The following KIF5B variants were observed in gnomAD, a reference collection of about 807,000 sequenced individuals.
KIF5B encodes the protein kinesin-1 heavy chain.
A neutral mutation model predicts 132.8 loss-of-function variants in KIF5B; 49 were observed. That is an observed-to-expected ratio of 0.37 (90% CI 0.29 to 0.47). KIF5B has a LOEUF of 0.47. KIF5B is among the 20% of genes least tolerant of loss of function. KIF5B has a pLI of 1.00. For missense variants in KIF5B, 780 were observed against 1,144.0 expected (o/e 0.68, Z 4.59); for synonymous variants, 355 against 369.4 (o/e 0.96, Z 0.45).
In KIF5B at chr10:32,034,113, T is replaced by A. The variant is rs897213384; in HGVS notation, c.1112-75A>T. 30 of 473,522 alleles carry A rather than the reference T, an allele frequency of 6.3e-5. No homozygotes were observed. The East Asian group carries it at 1.6e-3, about 26-fold the overall frequency. 29.3% of individuals were successfully genotyped at this position (473,522 alleles called of 1,614,324 possible). On this transcript the variant is annotated intron_variant, in intron 11 of 25. Transcript: ENST00000302418. Reference sequence around the variant, plus strand: ...ATTTCAATTTCATTCCTTTAAAAATTTTTTTTTTTTTTTTTGAGACAGAGT... The same window carrying A: ...ATTTCAATTTCATTCCTTTAAAAATATTTTTTTTTTTTTTTGAGACAGAGT...
At chr10:32,045,192 A>T (rs1467690015) in intron 2 of KIF5B, among the ~76,000 whole-genome samples, 1 of 152,198 alleles carries the variant, frequency 6.6e-6, no homozygotes, top group Non-Finnish European at 1.5e-5. Flanking sequence ...ATACAAGAGA[A>T]GAGACAGAAC....
chr10:32,033,230 CATT>C (rs1841423452), intron 12 of KIF5B, among the ~76,000 whole-genome samples: 1 of 152,130 alleles, frequency 6.6e-6, no homozygotes, highest in African/African-American at 2.4e-5. Flanking sequence ...CAATTGGTAT[CATT>C]GAGGCTCCCA....
intron 10 of KIF5B, among the ~76,000 whole-genome samples, chr10:32,035,148 T>C (rs946326274): frequency 6.6e-6 from 1 of 152,234 alleles, no homozygotes. Context: ...AAAGACGGAA[T>C]CATCATTACT....
At chr10:32,016,342 G>C (rs955501189) in intron 24 of KIF5B, among the ~76,000 whole-genome samples, 2 of 151,946 alleles carry the variant, frequency 1.3e-5, no homozygotes, top group Non-Finnish European at 2.9e-5. Flanking sequence ...TTCAATCCCA[G>C]CTACTAGGGA....
In KIF5B at chr10:32,009,492, T is replaced by C. The variant is rs1235923146; in HGVS notation, c.*2045A>G. The stretch of plus-strand genomic sequence containing the variant: ...AATTTATGAAATTCTTGGTACACTT[T>C]ATGAAAGTCTGAAATTATAAATAGA... On this transcript the variant is annotated 3_prime_UTR_variant, in exon 26 of 26. Transcript: ENST00000302418. 6.6e-6 allele frequency: 1 copy of C among 152,224 alleles called. No homozygotes were observed. The highest frequency in any genetic ancestry group is 1.5e-5 in the Non-Finnish European group (1 of 68,030). The allele number at this position is 152,224 out of a possible 1,614,324, so 9.4% of individuals were successfully genotyped here.
In KIF5B at chr10:32,039,372, A is replaced by G; in HGVS notation, c.348T>C (p.Phe116=). The change falls in exon 4 of 26, where the codon TTT becomes TTC. Residue 116 remains phenylalanine, a synonymous_variant. Transcript: ENST00000302418. ...GIIPRIVQDI[F]NYIYSMDENL... is the part of the protein sequence containing the mutation. The stretch of plus-strand genomic sequence containing the variant: ...TTTCATCCATGGAGTAAATATAATT[A>G]AAAATATCTTGCACTATTCTTGGAA... 1 of 1,513,190 alleles carries G rather than the reference A, an allele frequency of 6.6e-7. No homozygotes were observed. The highest frequency in any genetic ancestry group is 9.0e-7 in the Non-Finnish European group (1 of 1,110,986). The allele number at this position is 1,513,190 out of a possible 1,614,324, so 93.7% of individuals were successfully genotyped here.
At position 32,035,564 on chromosome 10, in the gene KIF5B, T is replaced by C. The variant is rs1841451558; in HGVS notation, c.920A>G (p.Tyr307Cys). The change falls in exon 10 of 26, where the codon TAC (tyrosine) becomes TGC (cysteine). Residue 307 changes from tyrosine (Y) to cysteine (C), a missense_variant. This residue lies in a region of KIF5B where 15 missense variants were observed against 34.4 expected (regional missense o/e 0.44). Transcript: ENST00000302418. The part of the protein sequence containing the change: ...TIVICCSPSS[Y>C]NESETKSTLL... ...TGTAGATTTTGTTTCAGACTCATTG[T>C]ATGATGATGGAGAGCAGCAAATTAC... 5 of 1,611,488 alleles carry C rather than the reference T, an allele frequency of 3.1e-6. No homozygotes were observed. The highest frequency in any genetic ancestry group is 3.4e-6 in the Non-Finnish European group (4 of 1,178,808).
intron 13 of KIF5B, among the ~76,000 whole-genome samples, chr10:32,031,533 T>G (rs1398268840): frequency 1.3e-5 from 2 of 152,054 alleles, no homozygotes; most frequent in African/African-American, 4.8e-5. Context: ...CATGAATAAG[T>G]GCAGTACAAG....
chr10:32,035,427 G>GT, intron 10 of KIF5B, 95 bp downstream of exon 10: 2 of 1,038,830 alleles, frequency 1.9e-6, no homozygotes, highest in Non-Finnish European at 2.8e-6. Context: ...GCACAAAACA[G>GT]TATGTACAGG....
At chr10:32,032,650 C>A in intron 13 of KIF5B, 56 bp downstream of exon 13, 1 of 1,379,290 alleles carries the variant, frequency 7.3e-7, no homozygotes, top group South Asian at 1.2e-5. Context: ...CAATGGGATT[C>A]AGAAAACAAA....
At chr10:32,037,161 G>C (rs1286089634) in intron 8 of KIF5B, 93 bp downstream of exon 8, 1 of 1,207,576 alleles carries the variant, frequency 8.3e-7, no homozygotes, top group East Asian at 2.4e-5. Context: ...AGTTTGGTAA[G>C]TAAGATGCAA....
Position 32,011,163 on chromosome 10 carries a change from G to C in KIF5B, c.*374C>G, listed in dbSNP as rs1437057084. 1 of 152,404 alleles carries C rather than the reference G, an allele frequency of 6.6e-6. No homozygotes were observed. The highest frequency in any genetic ancestry group is 2.4e-5 in the African/African-American group (1 of 41,412). 9.4% of individuals were successfully genotyped at this position (152,404 alleles called of 1,614,324 possible). A position where few individuals can be genotyped will look rare whatever the true frequency, so the allele number is the denominator to read the frequency against. On this transcript the variant is annotated 3_prime_UTR_variant, in exon 26 of 26. Transcript: ENST00000302418. ...GTAGCAGCTAGGTAATTTAAACTGA[G>C]ATTAAAAAATAAACATACACAAAAA...
intron 20 of KIF5B, among the ~76,000 whole-genome samples, chr10:32,018,976 G>A (rs1024186419): frequency 1.3e-5 from 2 of 151,580 alleles, no homozygotes; most frequent in Non-Finnish European, 2.9e-5. Flanking sequence ...GATTATGGGT[G>A]TGAGCCACTG....
intron 15 of KIF5B, among the ~76,000 whole-genome samples, chr10:32,026,918 G>A (rs1192286466): frequency 2.0e-5 from 3 of 152,184 alleles, no homozygotes; most frequent in African/African-American, 7.2e-5. Flanking sequence ...GCCCCATAGT[G>A]AGTCCACTGA....
chr10:32,055,715 C>T lies in KIF5B; in HGVS notation c.126+133G>A. Reference sequence around the variant, plus strand: ...GTCTCCCTCCACTGGGTTATCTGAACCGGCAAACCCCGCCGGGGAGGGCTG... The same window carrying T: ...GTCTCCCTCCACTGGGTTATCTGAATCGGCAAACCCCGCCGGGGAGGGCTG... On this transcript the variant is annotated intron_variant, in intron 1 of 25. Coordinates refer to ENST00000302418, the MANE Select transcript of KIF5B (RefSeq NM_004521.3). 4.0e-6 allele frequency: 5 copies of T among 1,262,330 alleles called. No individual in the cohort carries two copies. In the South Asian group the frequency reaches 5.9e-5, roughly 15 times the overall value. 78.2% of individuals were successfully genotyped at this position (1,262,330 alleles called of 1,614,324 possible). A position where few individuals can be genotyped will look rare whatever the true frequency, so the allele number is the denominator to read the frequency against.
chr10:32,048,963 G>C (rs1011263464), intron 1 of KIF5B, among the ~76,000 whole-genome samples: 15 of 151,926 alleles, frequency 9.9e-5, no homozygotes, highest in Non-Finnish European at 4.4e-5. Flanking sequence ...CAACCTCCTG[G>C]GCTCAAGAAA....
Position 32,009,473 on chromosome 10 carries a change from T to C in KIF5B, c.*2064A>G, listed in dbSNP as rs765973519. The C allele has an allele frequency of 9.2e-5, 14 of 152,208 alleles. No individual in the cohort carries two copies. The highest frequency in any genetic ancestry group is 1.5e-4 in the Non-Finnish European group (10 of 68,036). The allele number at this position is 152,208 out of a possible 1,614,324, so 9.4% of individuals were successfully genotyped here. A position where few individuals can be genotyped will look rare whatever the true frequency, so the allele number is the denominator to read the frequency against. ...AAGCAGTTCACTGAAAACAAATTTA[T>C]GAAATTCTTGGTACACTTTATGAAA... On this transcript the variant is annotated 3_prime_UTR_variant, in exon 26 of 26. Transcript: ENST00000302418.
rs1432242644 is a variant in KIF5B, at chr10:32,035,507, T to C, written c.962+15A>G. 1.9e-6 allele frequency: 3 copies of C among 1,597,476 alleles called. No individual in the cohort carries two copies. In the Admixed American group the frequency reaches 5.4e-5, roughly 29 times the overall value. Reference sequence around the variant, plus strand: ...TCTATCTAAATTTAGGTTTTGTACTTTCTTAACAACAAACCTTTGGCCAAA... The same window carrying C: ...TCTATCTAAATTTAGGTTTTGTACTCTCTTAACAACAAACCTTTGGCCAAA... On this transcript the variant is annotated intron_variant, in intron 10 of 25. Coordinates refer to ENST00000302418, the MANE Select transcript of KIF5B (RefSeq NM_004521.3).
chr10:32,026,142 G>A (rs530677196), intron 15 of KIF5B, among the ~76,000 whole-genome samples: 67 of 152,086 alleles, frequency 4.4e-4, no homozygotes, highest in Non-Finnish European at 7.5e-4. Context: ...TGTAACTTAA[G>A]AACAACAACA....
Sources: allele counts gnomAD v4.1 joint callset (sites outside exome capture counted in the v4.1 genomes callset), GRCh38; gene constraint gnomAD v4.1.1; regional missense constraint gnomAD v4.1.1; transcripts MANE v1.5; gene names NCBI Gene and HGNC (gene_info 2026-07-23, HGNC 2026-07-21).